FANCM: variants seen among roughly 807,000 people sequenced by gnomAD.
The protein encoded by FANCM is Fanconi anemia group M protein.
Under a neutral mutation model 199.5 loss-of-function variants are expected in FANCM, and 140 were observed. That is an observed-to-expected ratio of 0.70 (90% CI 0.61 to 0.81). FANCM has a LOEUF of 0.81. FANCM is among the 30% of genes least tolerant of loss of function. The pLI, the probability that FANCM is intolerant of heterozygous loss-of-function variation, is 0.00. For synonymous variants in FANCM, 840 were observed against 836.8 expected (o/e 1.00, Z -0.07); for missense variants, 2,410 against 2,421.4 (o/e 1.00, Z 0.10).
chr14:45,151,497 A>G lies in FANCM; in HGVS notation c.1019A>G (p.Gln340Arg). The G allele has an allele frequency of 6.2e-7, 1 of 1,612,868 alleles. No individual in the cohort carries two copies. Among genetic ancestry groups the G allele is most frequent in the South Asian group, 1.1e-5 (1 of 91,054 alleles). Residue 340 changes from glutamine to arginine, a missense_variant, in exon 5 of 23, where the codon CAG becomes CGG. By Grantham distance (43) the Gln-to-Arg change is conservative (BLOSUM62 1). Coordinates refer to ENST00000267430, the MANE Select transcript of FANCM (RefSeq NM_020937.4). ...TATCAGATAATTCTGGCAAGAGATC[A>G]GTTTAGGAAAAACCCATCTCCGAAT... ...TKYQIILARDQFRKNPSPNIV... is the reference protein window; with the variant it reads ...TKYQIILARDRFRKNPSPNIV...
chr14:45,181,747 T>C, intron 16 of FANCM, 42 bp downstream of exon 16: 4 of 1,312,694 alleles, frequency 3.0e-6, no homozygotes, highest in Non-Finnish European at 3.3e-6. Context: ...CAAATTCCTT[T>C]GGAATAAAAA....
intron 3 of FANCM, among the ~76,000 whole-genome samples, chr14:45,147,657 G>A (rs554029229): frequency 6.6e-6 from 1 of 152,060 alleles, no homozygotes; most frequent in African/African-American, 2.4e-5. Flanking sequence ...ACTTTAGGAG[G>A]CCAAGGTGGG....
At chr14:45,150,561 C>A (rs191555804) in intron 4 of FANCM, among the ~76,000 whole-genome samples, 1 of 152,226 alleles carries the variant, frequency 6.6e-6, no homozygotes, top group Admixed American at 6.5e-5. Context: ...CTCATTTCCG[C>A]CTCAGGACTT....
rs750881482 is a variant in FANCM at position 45,181,471 on chromosome 14, A to T, written c.4264A>T (p.Ile1422Phe). 4 of 1,608,402 alleles carry T rather than the reference A, an allele frequency of 2.5e-6. No homozygotes were observed. The highest frequency in any genetic ancestry group is 2.6e-6 in the Non-Finnish European group (3 of 1,175,338). The change falls in exon 15 of 23, where the codon ATT becomes TTT. Residue 1422 changes from isoleucine (I) to phenylalanine (F), a missense_variant. Physicochemically the swap from Ile to Phe is conservative, Grantham distance 21. Transcript: ENST00000267430. ...AAGTAACGAAAGTGAAGATGACGAG[A>T]TTTTCCGAAGAAAAGTTAAAAGAGC... ...LTSNESEDDE[I>F]FRRKVKRAKG... is the part of the protein sequence containing the mutation.
chr14:45,179,328 A>G (rs1404087397), intron 14 of FANCM, among the ~76,000 whole-genome samples: 1 of 152,192 alleles, frequency 6.6e-6, no homozygotes, highest in East Asian at 1.9e-4. Flanking sequence ...CCTCAGCTTC[A>G]TAATATTTTC....
chr14:45,189,496 T>G, intron 20 of FANCM, 134 bp downstream of exon 20: 1 of 687,244 alleles, frequency 1.5e-6, no homozygotes, highest in Non-Finnish European at 2.5e-6. Context: ...GAAAATGTCT[T>G]CAAACAAGAA....
chr14:45,173,237 G>A, intron 13 of FANCM, 27 bp downstream of exon 13: 1 of 1,600,844 alleles, frequency 6.2e-7, no homozygotes, highest in Non-Finnish European at 8.6e-7. Flanking sequence ...ACTTTCTCTT[G>A]CTGGTATGAT....
At position 45,136,117 on chromosome 14, in the gene FANCM, C is replaced by A; in HGVS notation, c.86C>A (p.Thr29Asn). 6.2e-7 allele frequency: 1 copy of A among 1,614,170 alleles called. No individual in the cohort carries two copies. The highest frequency in any genetic ancestry group is 8.5e-7 in the Non-Finnish European group (1 of 1,180,038). ...SSGTPGCSSG[T>N]ERPQSPGSSK... ...GGGACTCCGGGTTGCAGCTCCGGAA[C>A]TGAGCGACCTCAGAGCCCTGGCAGC... The change falls in exon 1 of 23, where the codon ACT becomes AAT. Residue 29 changes from threonine (T) to asparagine (N), a missense_variant. Transcript: ENST00000267430.
intron 11 of FANCM, among the ~76,000 whole-genome samples, chr14:45,170,196 T>G (rs1353282870): frequency 6.6e-6 from 1 of 152,200 alleles, no homozygotes; most frequent in Non-Finnish European, 1.5e-5. Context: ...ATGGGTACTT[T>G]CAGAGGTAAG....
At chr14:45,155,344 A>C in intron 7 of FANCM, 29 bp from the exon 8 acceptor site, 1 of 1,016,898 alleles carries the variant, frequency 9.8e-7, no homozygotes, top group Non-Finnish European at 1.5e-6. Flanking sequence ...AAAACAGAAA[A>C]AAATTTTGAT....
Position 45,136,245 on chromosome 14 carries a change from A to G in FANCM, c.214A>G (p.Asn72Asp), listed in dbSNP as rs1269122026. The G allele has an allele frequency of 6.2e-7, 1 of 1,613,852 alleles. No individual in the cohort carries two copies. The highest frequency in any genetic ancestry group is 8.5e-7 in the Non-Finnish European group (1 of 1,180,000). The change falls in exon 1 of 23, where the codon AAT becomes GAT. Residue 72 changes from asparagine to aspartate, a missense_variant. Transcript: ENST00000267430. ...YEAERQLCLENGGFCTSAGAL... is the reference protein window; with the variant it reads ...YEAERQLCLEDGGFCTSAGAL... ...GGCTGAGCGGCAGTTGTGTCTAGAGAATGGCGGGTTCTGCACCTCCGCGGG... is the reference window on the plus strand; with the variant it reads ...GGCTGAGCGGCAGTTGTGTCTAGAGGATGGCGGGTTCTGCACCTCCGCGGG...
In FANCM at chr14:45,174,400, C is replaced by A. The variant is rs1218436510; in HGVS notation, c.2317-671C>A. 2.5e-3 allele frequency among the ~76,000 whole-genome samples: 367 copies of A among 144,880 alleles called. 5 individuals are homozygous for A. Among genetic ancestry groups the A allele is most frequent in the Admixed American group, 9.1e-3 (133 of 14,654 alleles). ...AGACTTTGTCTAAAAAAAAAAAAAA[C>A]AAAAAAACCAGAGAGGTAACTGCTT... is the stretch of plus-strand genomic sequence containing the variant. On this transcript the variant is annotated intron_variant, in intron 13 of 22. Transcript: ENST00000267430.
intron 14 of FANCM, among the ~76,000 whole-genome samples, chr14:45,178,331 A>G (rs1328578259): frequency 6.6e-6 from 1 of 152,134 alleles, no homozygotes; most frequent in Non-Finnish European, 1.5e-5. Flanking sequence ...TAATACCTCT[A>G]TATGAAGTCC....
At position 45,147,904 on chromosome 14, in the gene FANCM, C is replaced by G. The variant is rs565475110; in HGVS notation, c.760-933C>G. Among the ~76,000 whole-genome samples the G allele has an allele frequency of 1.3e-3, 192 of 149,826 alleles. 1 individual carries two copies. Among genetic ancestry groups the G allele is most frequent in the Middle Eastern group, 3.4e-3 (1 of 292 alleles). ...AGAGGGAGGTTCCAAACCGCCCCCC[C>G]CCCAAAAAAAAAGCCGGGCGTGATG... On this transcript the variant is annotated intron_variant, in intron 3 of 22. Transcript: ENST00000267430.
In FANCM at chr14:45,164,343, A is replaced by G. The variant is rs201905147; in HGVS notation, c.1582-16A>G. 1.9e-6 allele frequency: 3 copies of G among 1,595,122 alleles called. No individual in the cohort carries two copies. The highest frequency in any genetic ancestry group is 2.7e-5 in the African/African-American group (2 of 74,520). ...TACATTTGCATGTAGTTATTTTTCA[A>G]TTGTTTTTATTTTAGGTAGTGAAAC... On this transcript the variant is annotated splice_polypyrimidine_tract_variant and intron_variant, in intron 9 of 22. Coordinates refer to ENST00000267430, the MANE Select transcript of FANCM (RefSeq NM_020937.4).
chr14:45,140,384 C>A (rs1474739533), intron 2 of FANCM, among the ~76,000 whole-genome samples: 6 of 152,110 alleles, frequency 3.9e-5, no homozygotes, highest in Non-Finnish European at 1.5e-5. Flanking sequence ...TTTTGATTTG[C>A]CCTTTGAGTA....
At position 45,185,368 on chromosome 14, in the gene FANCM, T is replaced by G; in HGVS notation, c.4667T>G (p.Ile1556Arg). Residue 1556 changes from isoleucine (I) to arginine (R), a missense_variant, in exon 18 of 23, where the codon ATA (isoleucine) becomes AGA (arginine). Ile to Arg is a moderately conservative substitution (Grantham distance 97). Coordinates refer to ENST00000267430, the MANE Select transcript of FANCM (RefSeq NM_020937.4). ...GATGAAACTCAACTTTCACAGGCTA[T>G]AAATGGTAAATGTTATAATGATCCT... ...LNDETQLSQA[I>R]NDSEMRAIYM... The G allele has an allele frequency of 6.4e-7, 1 of 1,561,020 alleles. No homozygotes were observed. The highest frequency in any genetic ancestry group is 8.8e-7 in the Non-Finnish European group (1 of 1,140,566).
At chr14:45,190,668 ACAGTGTC>A (rs1192208142) in intron 20 of FANCM, among the ~76,000 whole-genome samples, 1 of 151,238 alleles carries the variant, frequency 6.6e-6, no homozygotes, top group Non-Finnish European at 1.5e-5. Context: ...CACATGCTTG[ACAGTGTC>A]CACACAATGG....
chr14:45,152,237 C>T (rs902387897), intron 5 of FANCM, among the ~76,000 whole-genome samples: 5 of 151,956 alleles, frequency 3.3e-5, no homozygotes, highest in African/African-American at 1.2e-4. Context: ...ATCATGTTGG[C>T]CGGGCTGGTC....
Sources: gnomAD v4.1 joint callset for allele counts (sites outside exome capture counted in the v4.1 genomes callset) on GRCh38, gnomAD v4.1.1 for gene constraint, MANE v1.5 for transcripts, NCBI Gene and HGNC (gene_info 2026-07-23, HGNC 2026-07-21) for gene names.